SLC8A1: variants seen among roughly 807,000 people sequenced by gnomAD.
SLC8A1 encodes the protein solute carrier family 8 member A1.
Under a neutral mutation model 68.3 loss-of-function variants are expected in SLC8A1, and 18 were observed. The ratio of observed to expected loss-of-function variants is 0.26; its 90% CI spans 0.18 to 0.39. SLC8A1 has a LOEUF of 0.39. Among genes scored for constraint, SLC8A1 ranks in the 10% least tolerant of loss-of-function variants. SLC8A1 has a pLI of 1.00. For missense variants in SLC8A1, 985 were observed against 1,156.7 expected (o/e 0.85, Z 2.15); for synonymous variants, 475 against 415.5 (o/e 1.14, Z -1.74).
At chr2:40,170,258 A>C in intron 4 of SLC8A1, 23 bp downstream of exon 7, 2 of 1,608,832 alleles carry the variant, frequency 1.2e-6, no homozygotes, top group South Asian at 1.1e-5. Flanking sequence ...TGTGGTTTTC[A>C]AGGATCATGA....
intron 1 of SLC8A1, among the ~76,000 whole-genome samples, chr2:40,474,970 A>G (rs1263635051): frequency 6.6e-6 from 1 of 152,184 alleles, no homozygotes; most frequent in African/African-American, 2.4e-5. Flanking sequence ...AGTCCTGGTA[A>G]AGATATATAA....
chr2:40,415,110 A>G (rs934300947), intron 2 of SLC8A1, among the ~76,000 whole-genome samples: 4 of 152,334 alleles, frequency 2.6e-5, no homozygotes, highest in Middle Eastern at 3.4e-3. Context: ...TATAAGGCAC[A>G]GTATAGTAGT....
intron 1 of SLC8A1, among the ~76,000 whole-genome samples, chr2:40,497,228 C>T (rs564443149): frequency 1.3e-5 from 2 of 152,118 alleles, no homozygotes; most frequent in Non-Finnish European, 2.9e-5. Context: ...AAAAAATTAA[C>T]TTCTAAGCAT....
intron 7 of SLC8A1, chr2:40,123,204 A>C (rs2148128344): frequency 6.6e-6 from 1 of 152,358 alleles, no homozygotes; most frequent in Non-Finnish European, 1.5e-5. Context: ...TACATTTGAC[A>C]ACGGACAGAG....
intron 1 of SLC8A1, among the ~76,000 whole-genome samples, chr2:40,503,322 C>A (rs538501229): frequency 5.3e-5 from 8 of 152,164 alleles, no homozygotes; most frequent in Admixed American, 3.3e-4. Context: ...AGCTGCTTTG[C>A]AACGGCCTGT....
chr2:40,389,247 A>AT (rs962562214), intron 2 of SLC8A1, among the ~76,000 whole-genome samples: 50 of 149,724 alleles, frequency 3.3e-4, no homozygotes, highest in East Asian at 1.8e-3. Context: ...TATAGAAAGG[A>AT]TTTTTTTTTT....
chr2:40,335,161 AATATCCGT>A (rs1159400588), intron 2 of SLC8A1, among the ~76,000 whole-genome samples: 4 of 152,222 alleles, frequency 2.6e-5, no homozygotes, highest in Non-Finnish European at 4.4e-5. Context: ...ATAGATATAC[AATATCCGT>A]ATATTATTTT....
chr2:40,344,657 A>C lies in SLC8A1; in HGVS notation c.1808+83816T>G, dbSNP rs144170021. On this transcript the variant is annotated intron_variant, in intron 2 of 7. Coordinates refer to ENST00000406785, the Ensembl canonical transcript of SLC8A1. ...GTAATATTTAAATGCTGTGAAAAAA[A>C]ATTCACAGAGCTTCAGGTCTCCCAT... Among the ~76,000 whole-genome samples the C allele has an allele frequency of 1.5e-3, 228 of 152,316 alleles. 1 individual carries two copies. The highest frequency in any genetic ancestry group is 5.3e-3 in the African/African-American group (222 of 41,560).
intron 2 of SLC8A1, among the ~76,000 whole-genome samples, chr2:40,264,847 A>T (rs201335049): frequency 8.5e-4 from 6 of 7,078 alleles, no homozygotes; most frequent in African/African-American, 5.0e-3. Flanking sequence ...CTTAAAGTAT[A>T]AAAAAAAAAT....
intron 2 of SLC8A1, among the ~76,000 whole-genome samples, chr2:40,195,251 T>TGTTCTTCCA (rs2052738655): frequency 6.6e-6 from 1 of 152,080 alleles, no homozygotes; most frequent in African/African-American, 2.4e-5. Flanking sequence ...AGAACACATG[T>TGTTCTTCCA]GATATGCAGA....
chr2:40,265,275 A>T (rs555885661), intron 2 of SLC8A1, among the ~76,000 whole-genome samples: 4 of 152,306 alleles, frequency 2.6e-5, no homozygotes, highest in Admixed American at 2.6e-4. Context: ...GCTTATTCTA[A>T]CTTTCCAAAG....
intron 2 of SLC8A1, among the ~76,000 whole-genome samples, chr2:40,382,230 T>C (rs1300310061): frequency 6.6e-6 from 1 of 152,092 alleles, no homozygotes; most frequent in Non-Finnish European, 1.5e-5. Flanking sequence ...GTCTAGCATA[T>C]TATAGCTCAG....
chr2:40,347,908 G>T (rs1256239880), intron 2 of SLC8A1, among the ~76,000 whole-genome samples: 1 of 151,940 alleles, frequency 6.6e-6, no homozygotes, highest in Non-Finnish European at 1.5e-5. Flanking sequence ...ATGGCTTACG[G>T]TCTACACATT....
intron 1 of SLC8A1, among the ~76,000 whole-genome samples, chr2:40,477,235 C>G (rs985128425): frequency 5.8e-5 from 8 of 138,968 alleles, no homozygotes; most frequent in African/African-American, 2.4e-4. Context: ...ACCATGGTAT[C>G]TGATATCTGA....
chr2:40,365,462 C>T (rs1575731072), intron 2 of SLC8A1, among the ~76,000 whole-genome samples: 1 of 151,992 alleles, frequency 6.6e-6, no homozygotes, highest in East Asian at 1.9e-4. Context: ...AATTAACTGC[C>T]CATTTCACTT....
chr2:40,512,379 T>A (rs964418895), exon 1 of SLC8A1: 1 of 152,316 alleles, frequency 6.6e-6, no homozygotes, highest in African/African-American at 2.4e-5. Flanking sequence ...TCAGTCCGCA[T>A]GGGCTGGATG....
At chr2:40,307,144 T>TCAC (rs2072778548) in intron 2 of SLC8A1, among the ~76,000 whole-genome samples, 2 of 101,130 alleles carry the variant, frequency 2.0e-5, no homozygotes, top group African/African-American at 8.6e-5. Flanking sequence ...GAAAATGTGA[T>TCAC]ATACACACAC....
intron 2 of SLC8A1, among the ~76,000 whole-genome samples, chr2:40,297,591 A>T (rs976532297): frequency 3.9e-5 from 6 of 152,206 alleles, no homozygotes; most frequent in Non-Finnish European, 7.3e-5. Flanking sequence ...TGTAAAGCAA[A>T]CATTTTCATT....
chr2:40,129,677 C>T (rs997325414), intron 7 of SLC8A1, among the ~76,000 whole-genome samples: 3 of 152,166 alleles, frequency 2.0e-5, no homozygotes, highest in Non-Finnish European at 4.4e-5. Context: ...CCCTGAGCCT[C>T]AAAAGAAAGG....
Sources: gnomAD v4.1 joint callset for allele counts (sites outside exome capture counted in the v4.1 genomes callset) on GRCh38, gnomAD v4.1.1 for gene constraint, MANE v1.5 for transcripts, NCBI Gene and HGNC (gene_info 2026-07-23, HGNC 2026-07-21) for gene names.